The following ST3GAL3 variants were observed in gnomAD, a reference collection of about 807,000 sequenced individuals.
ST3GAL3 encodes ST3 beta-galactoside alpha-2,3-sialyltransferase 3, also known as CMP-N-acetylneuraminate-beta-1,4-galactoside alpha-2,3-sialyltransferase.
ST3GAL3 carries 21 observed loss-of-function variants against 50.1 expected under a neutral mutation model. The observed-to-expected ratio is 0.42, with a 90% CI of 0.30 to 0.60. ST3GAL3 has a LOEUF of 0.60. ST3GAL3 is among the 20% of genes least tolerant of loss of function. The pLI, the probability that ST3GAL3 is intolerant of heterozygous loss-of-function variation, is 0.19. For missense variants in ST3GAL3, 353 were observed against 489.4 expected (o/e 0.72, Z 2.63); for synonymous variants, 183 against 190.0 (o/e 0.96, Z 0.30).
chr1:43,920,509 C>T lies in ST3GAL3; in HGVS notation c.850C>T (p.Leu284Phe), dbSNP rs2082848019. 2 of 1,614,082 alleles carry T rather than the reference C, an allele frequency of 1.2e-6. No homozygotes were observed. Among genetic ancestry groups the T allele is most frequent in the African/African-American group, 2.7e-5 (2 of 74,926 alleles). Residue 284 changes from leucine (L) to phenylalanine (F), a missense_variant, in exon 10 of 12, where the codon CTC (leucine) becomes TTC (phenylalanine). By Grantham distance (22) the Leu-to-Phe change is conservative (BLOSUM62 0). Coordinates refer to ENST00000347631, the MANE Select transcript of ST3GAL3 (RefSeq NM_006279.5). ...PYFIQEAAFT[L>F]IGLPFNNGLM... ...TTTCATCCAGGAGGCCGCCTTCACC[C>T]TCATTGGCCTGCCCTTCAACAATGG...
chr1:43,739,252 T>A (rs61537894), intron 2 of ST3GAL3: 71 of 152,292 alleles, frequency 4.7e-4, no homozygotes, highest in African/African-American at 1.6e-3. Flanking sequence ...GCACAGGGTC[T>A]CACTCTGTCA....
At position 43,836,876 on chromosome 1, in the gene ST3GAL3, A is replaced by G. The variant is rs115360648; in HGVS notation, c.210-1343A>G. Among the ~76,000 whole-genome samples the G allele has an allele frequency of 9.6e-3, 1,457 of 152,364 alleles. 21 individuals carry two copies. The highest frequency in any genetic ancestry group is 0.033 in the African/African-American group (1,393 of 41,588). On this transcript the variant is annotated intron_variant, in intron 4 of 11. Coordinates refer to ENST00000347631, the MANE Select transcript of ST3GAL3 (RefSeq NM_006279.5). ...TTGAACGCATAAGACGTTGAAACCC[A>G]AAGATGTGAGGTGGCATGATTATGG...
At chr1:43,910,297 C>A (rs1232360789) in intron 9 of ST3GAL3, among the ~76,000 whole-genome samples, 1 of 152,244 alleles carries the variant, frequency 6.6e-6, no homozygotes, top group South Asian at 2.1e-4. Context: ...CAGCTGCTAT[C>A]CCCAAACCTT....
At chr1:43,831,432 A>C (rs1281916005) in intron 4 of ST3GAL3, among the ~76,000 whole-genome samples, 1 of 152,254 alleles carries the variant, frequency 6.6e-6, no homozygotes, top group African/African-American at 2.4e-5. Flanking sequence ...TTTGTTATCC[A>C]ATCAGTGCAT....
intron 2 of ST3GAL3, among the ~76,000 whole-genome samples, chr1:43,767,652 A>C (rs1693582290): frequency 7.0e-6 from 1 of 142,262 alleles, no homozygotes; most frequent in Non-Finnish European, 1.5e-5. Context: ...TTTGAATTGC[A>C]TGATACTGAA....
At chr1:43,915,334 G>T (rs2081605023) in intron 9 of ST3GAL3, among the ~76,000 whole-genome samples, 1 of 152,222 alleles carries the variant, frequency 6.6e-6, no homozygotes, top group South Asian at 2.1e-4. Flanking sequence ...GTGAGTCCCT[G>T]CCCTATGGGG....
chr1:43,910,190 G>A (rs1025598992), intron 9 of ST3GAL3, among the ~76,000 whole-genome samples: 2 of 152,162 alleles, frequency 1.3e-5, no homozygotes, highest in African/African-American at 4.8e-5. Context: ...TTACCTAAGG[G>A]GTTTTTTTAT....
At chr1:43,730,690 C>T (rs1179584601) in intron 1 of ST3GAL3, among the ~76,000 whole-genome samples, 2 of 151,504 alleles carry the variant, frequency 1.3e-5, no homozygotes, top group African/African-American at 4.9e-5. Flanking sequence ...CCTACCTCAG[C>T]CTCTCAAATA....
intron 2 of ST3GAL3, chr1:43,771,964 AG>A (rs2154133381): frequency 2.5e-6 from 1 of 398,500 alleles, no homozygotes; most frequent in Non-Finnish European, 4.4e-6. Context: ...GGAAGTTAAA[AG>A]GAAAAATAAG....
intron 5 of ST3GAL3, among the ~76,000 whole-genome samples, chr1:43,864,010 G>C (rs1159705687): frequency 6.6e-6 from 1 of 152,208 alleles, no homozygotes; most frequent in Non-Finnish European, 1.5e-5. Context: ...CGGGCGTGGT[G>C]GCTCATGCCT....
intron 1 of ST3GAL3, among the ~76,000 whole-genome samples, chr1:43,732,240 T>TC (rs1256232305): frequency 6.6e-6 from 1 of 152,250 alleles, no homozygotes; most frequent in African/African-American, 2.4e-5. Flanking sequence ...GTTACCTGCA[T>TC]CATCTGGGCT....
At chr1:43,898,088 C>T (rs2077652360) in intron 6 of ST3GAL3, 147 bp from the exon 7 acceptor site, 9 of 824,194 alleles carry the variant, frequency 1.1e-5, no homozygotes, top group Non-Finnish European at 1.6e-5. Flanking sequence ...AGGGCAGTGG[C>T]CCAATACATC....
Position 43,917,637 on chromosome 1 carries a change from A to T in ST3GAL3, c.745-2767A>T, listed in dbSNP as rs12409999. Among the ~76,000 whole-genome samples the T allele has an allele frequency of 1.7e-3, 116 of 68,320 alleles. 2 individuals are homozygous for T. The highest frequency in any genetic ancestry group is 4.5e-3 in the African/African-American group (68 of 15,018). 44.8% of individuals were successfully genotyped at this position (68,320 alleles called of 152,430 possible). ...ATATATTATATTATATATAATATAT[A>T]ATATAATATATAATATAATATATAA... On this transcript the variant is annotated intron_variant, in intron 9 of 11. Coordinates refer to ENST00000347631, the MANE Select transcript of ST3GAL3 (RefSeq NM_006279.5).
intron 4 of ST3GAL3, among the ~76,000 whole-genome samples, chr1:43,823,593 T>C (rs2062396583): frequency 6.6e-6 from 1 of 152,234 alleles, no homozygotes; most frequent in Non-Finnish European, 1.5e-5. Context: ...CCCTTTACTG[T>C]GTCATTTTCT....
chr1:43,836,894 G>A (rs1224949709), intron 4 of ST3GAL3, among the ~76,000 whole-genome samples: 3 of 152,222 alleles, frequency 2.0e-5, no homozygotes, highest in Non-Finnish European at 2.9e-5. Context: ...GAGGTGGCAT[G>A]ATTATGGTCA....
In ST3GAL3 at chr1:43,744,655, A is replaced by T. The variant is rs201958677; in HGVS notation, c.118+8275A>T. ...GGGACAGAGCGAGACTCCCTCTCAA[A>T]AAATAAATAAATAAATAAATAAATA... On this transcript the variant is annotated intron_variant, in intron 2 of 11. Transcript: ENST00000347631. Among the ~76,000 whole-genome samples, 821 of 140,778 alleles carry T rather than the reference A, an allele frequency of 5.8e-3. 13 individuals carry two copies. Among genetic ancestry groups the T allele is most frequent in the East Asian group, 7.4e-3 (36 of 4,884 alleles). The allele number at this position is 140,778 out of a possible 152,430, so 92.4% of individuals were successfully genotyped here. A position where few individuals can be genotyped will look rare whatever the true frequency, so the allele number is the denominator to read the frequency against.
intron 9 of ST3GAL3, among the ~76,000 whole-genome samples, chr1:43,906,505 T>TTCC (rs2079748759): frequency 8.3e-6 from 1 of 120,102 alleles, no homozygotes. Context: ...CCCGCCACTC[T>TTCC]TCCCCCTCCT....
rs904573785 is a variant in ST3GAL3, at chr1:43,795,809, A to G, written c.166+3660A>G. ...AATAGCAGTTTGAGGACTCTGAAAC[A>G]TAAATAGTAGCAGACAGATAGGGGA... is the stretch of plus-strand genomic sequence containing the variant. On this transcript the variant is annotated intron_variant, in intron 3 of 11. Transcript: ENST00000347631. Among the ~76,000 whole-genome samples the G allele has an allele frequency of 5.9e-5, 9 of 152,338 alleles. 1 individual carries two copies. The highest frequency in any genetic ancestry group is 3.9e-4 in the Admixed American group (6 of 15,302).
chr1:43,754,405 T>G (rs1239511952), intron 2 of ST3GAL3, among the ~76,000 whole-genome samples: 1 of 152,190 alleles, frequency 6.6e-6, no homozygotes, highest in Non-Finnish European at 1.5e-5. Flanking sequence ...TTAGCCAGGC[T>G]GGTCTCTAAC....
Sources: gnomAD v4.1 joint callset for allele counts (sites outside exome capture counted in the v4.1 genomes callset) on GRCh38, gnomAD v4.1.1 for gene constraint, MANE v1.5 for transcripts, NCBI Gene and HGNC (gene_info 2026-07-23, HGNC 2026-07-21) for gene names.